The following TRPM3 variants were observed in gnomAD, a reference collection of about 807,000 sequenced individuals.
The protein encoded by TRPM3 is long transient receptor potential channel 3.
TRPM3 carries 77 observed loss-of-function variants against 181.2 expected under a neutral mutation model. That is an observed-to-expected ratio of 0.42 (90% CI 0.35 to 0.51). The LOEUF (loss-of-function observed/expected upper bound fraction) is 0.51. TRPM3 is among the 20% of genes least tolerant of loss of function. The probability of loss-of-function intolerance (pLI) is 0.01; values close to 1 mark genes in which losing one functional copy is unlikely to be tolerated. For synonymous variants in TRPM3, 745 were observed against 796.4 expected (o/e 0.94, Z 1.09); for missense variants, 1,759 against 2,196.7 (o/e 0.80, Z 3.98).
Position 70,809,977 on chromosome 9 carries a change from CA to C in TRPM3, c.973+17869del, listed in dbSNP as rs761910966. Reference sequence around the variant, plus strand: ...ATGGTGCAATGATCAAAAAAGATGCCAGTGATGACAATTGAACGTCCCTTTG... The same window carrying C: ...ATGGTGCAATGATCAAAAAAGATGCCGTGATGACAATTGAACGTCCCTTTG... On this transcript the variant is annotated intron_variant, in intron 6 of 25. Transcript: ENST00000677713. 1.7e-5 allele frequency: 9 copies of C among 534,510 alleles called. No homozygotes were observed. The highest frequency in any genetic ancestry group is 3.5e-5 in the Non-Finnish European group (9 of 260,074). 33.1% of individuals were successfully genotyped at this position (534,510 alleles called of 1,614,324 possible).
intron 18 of TRPM3, among the ~76,000 whole-genome samples, chr9:70,612,232 T>A (rs925526468): frequency 5.3e-5 from 8 of 152,234 alleles, no homozygotes; most frequent in Admixed American, 3.9e-4. Flanking sequence ...CATAATTTCT[T>A]GACTTTAATT....
chr9:71,226,823 G>C (rs1230545733), intron 1 of TRPM3, among the ~76,000 whole-genome samples: 1 of 152,026 alleles, frequency 6.6e-6, no homozygotes, highest in Non-Finnish European at 1.5e-5. Flanking sequence ...GCGCTGAACA[G>C]ATCTTCCAGA....
Position 70,536,264 on chromosome 9 carries a change from G to A in TRPM3, c.4849C>T (p.Arg1617Cys), listed in dbSNP as rs111659614. The A allele has an allele frequency of 3.4e-5, 55 of 1,614,148 alleles. 1 individual carries two copies. Among genetic ancestry groups the A allele is most frequent in the South Asian group, 3.4e-4 (31 of 91,078 alleles). ...GAGGATATTGCAATGGTGGCTCTGC[G>A]GCCTTTGGCCTCATTCTCCTCACTG... The part of the protein sequence containing the change: ...SDSEENEAKG[R>C]RATIAISSQE... Residue 1617 changes from arginine to cysteine, a missense_variant, in exon 26 of 26, where the codon CGC becomes TGC. Arg to Cys is a radical substitution (Grantham distance 180). Around this residue, in one of 8 missense-constraint regions of TRPM3, gnomAD observed 612 missense variants for 590.0 expected, o/e 1.04. Coordinates refer to ENST00000677713, the MANE Select transcript of TRPM3 (RefSeq NM_001366145.2).
intron 1 of TRPM3, among the ~76,000 whole-genome samples, chr9:70,875,301 G>A (rs572626123): frequency 1.3e-5 from 2 of 151,950 alleles, no homozygotes; most frequent in South Asian, 4.2e-4. Context: ...CCTCATTAAC[G>A]TGTACAAGGT....
At chr9:71,199,107 C>T (rs961424833) in intron 1 of TRPM3, among the ~76,000 whole-genome samples, 4 of 151,186 alleles carry the variant, frequency 2.6e-5, no homozygotes, top group African/African-American at 9.7e-5. Context: ...TGTCAAAGGT[C>T]TTTTCTGCAT....
intron 8 of TRPM3, among the ~76,000 whole-genome samples, chr9:70,745,021 T>A (rs992354635): frequency 6.6e-6 from 1 of 152,170 alleles, no homozygotes; most frequent in Non-Finnish European, 1.5e-5. Flanking sequence ...CTCAGCAAGG[T>A]TGATTTTTGT....
At chr9:70,629,575 G>A (rs1472642958) in intron 12 of TRPM3, among the ~76,000 whole-genome samples, 2 of 152,104 alleles carry the variant, frequency 1.3e-5, no homozygotes, top group Non-Finnish European at 2.9e-5. Context: ...GACCTCAGGT[G>A]ATCCACTCAT....
intron 1 of TRPM3, among the ~76,000 whole-genome samples, chr9:71,140,921 G>GCATTC (rs770016604): frequency 6.6e-6 from 1 of 152,142 alleles, no homozygotes; most frequent in Non-Finnish European, 1.5e-5. Flanking sequence ...TTTTAAAGGA[G>GCATTC]CATTCCTGAG....
At position 70,907,243 on chromosome 9, in the gene TRPM3, T is replaced by C. The variant is rs572602195; in HGVS notation, c.178-42732A>G. Among the ~76,000 whole-genome samples the C allele has an allele frequency of 9.9e-5, 15 of 152,126 alleles. No individual in the cohort carries two copies. The South Asian group carries it at 2.9e-3, about 29-fold the overall frequency. ...TGTGTAGAGTGACAAACAATTAGAGTCACCCCATGTGCATGTTGCATGTTC... is the reference window on the plus strand; with the variant it reads ...TGTGTAGAGTGACAAACAATTAGAGCCACCCCATGTGCATGTTGCATGTTC... On this transcript the variant is annotated intron_variant, in intron 1 of 25. Transcript: ENST00000677713.
chr9:70,775,353 T>C (rs2130679334), intron 7 of TRPM3: 1 of 152,316 alleles, frequency 6.6e-6, no homozygotes, highest in Admixed American at 6.5e-5. Flanking sequence ...TTTGTGCATC[T>C]CATGGTAAGG....
intron 21 of TRPM3, among the ~76,000 whole-genome samples, chr9:70,593,420 TTG>T (rs1027003952): frequency 3.3e-5 from 5 of 152,228 alleles, no homozygotes; most frequent in African/African-American, 1.2e-4. Context: ...GTCCTTCATG[TTG>T]TGTTTATTTA....
At chr9:71,241,397 C>CA (rs1318726028) in intron 1 of TRPM3, among the ~76,000 whole-genome samples, 1 of 147,946 alleles carries the variant, frequency 6.8e-6, no homozygotes, top group East Asian at 2.0e-4. Context: ...ATCGCAAGGA[C>CA]AAAAAACCAA....
chr9:70,669,088 C>T (rs2062421891), intron 9 of TRPM3, among the ~76,000 whole-genome samples: 1 of 152,194 alleles, frequency 6.6e-6, no homozygotes, highest in African/African-American at 2.4e-5. Flanking sequence ...TCACAGAGCA[C>T]AAGGATGCCC....
intron 9 of TRPM3, among the ~76,000 whole-genome samples, chr9:70,669,747 CTTT>C (rs71367212): frequency 6.0e-4 from 83 of 138,422 alleles, no homozygotes; most frequent in Admixed American, 1.6e-3. Context: ...TCTTTCTTTT[CTTT>C]TTTTTTTTTT....
rs767704462 is a variant in TRPM3, at chr9:70,603,353, T to C, written c.2785A>G (p.Lys929Glu). The C allele has an allele frequency of 6.2e-7, 1 of 1,613,450 alleles. No homozygotes were observed. The highest frequency in any genetic ancestry group is 8.5e-7 in the Non-Finnish European group (1 of 1,179,786). The change falls in exon 20 of 26, where the codon AAG (lysine) becomes GAG (glutamate). Residue 929 changes from lysine (K) to glutamate (E), a missense_variant. Physicochemically the swap from Lys to Glu is moderately conservative, Grantham distance 56. Coordinates refer to ENST00000677713, the MANE Select transcript of TRPM3 (RefSeq NM_001366145.2). ...ATAAAAGCCGTTACCTCTCTCATCT[T>C]TTCTATTCCCAGGGTGAAAATATAG... ...ISYIFTLGIEKMREILMSEPG... is the reference protein window; with the variant it reads ...ISYIFTLGIEEMREILMSEPG...
intron 8 of TRPM3, among the ~76,000 whole-genome samples, chr9:70,690,968 A>G (rs563580098): frequency 1.3e-5 from 2 of 152,296 alleles, no homozygotes; most frequent in East Asian, 1.9e-4. Context: ...CTTAATGTTA[A>G]CATTTTGCCA....
chr9:71,195,945 T>C (rs1264100122), intron 1 of TRPM3, among the ~76,000 whole-genome samples: 1 of 151,814 alleles, frequency 6.6e-6, no homozygotes, highest in Admixed American at 6.6e-5. Context: ...CAACACACAC[T>C]GGGGCCTACC....
At position 71,055,187 on chromosome 9, in the gene TRPM3, A is replaced by G. The variant is rs2060519288; in HGVS notation, c.177+65991T>C. Among the ~76,000 whole-genome samples the G allele has an allele frequency of 2.6e-5, 4 of 152,204 alleles. No homozygotes were observed. The South Asian group carries it at 6.2e-4, about 24-fold the overall frequency. On this transcript the variant is annotated intron_variant, in intron 1 of 25. Coordinates refer to ENST00000677713, the MANE Select transcript of TRPM3 (RefSeq NM_001366145.2). Reference sequence around the variant, plus strand: ...TCAAGAGGTGGTTCGGACAGGGTACATTTTAAGAAATTTAATCAGGCAAGT... The same window carrying G: ...TCAAGAGGTGGTTCGGACAGGGTACGTTTTAAGAAATTTAATCAGGCAAGT...
At chr9:70,666,196 A>G (rs2061821149) in intron 9 of TRPM3, among the ~76,000 whole-genome samples, 2 of 152,190 alleles carry the variant, frequency 1.3e-5, no homozygotes, top group African/African-American at 4.8e-5. Flanking sequence ...GGGTGACATG[A>G]CGGCAGTTCC....
Sources: gnomAD v4.1 joint callset for allele counts (sites outside exome capture counted in the v4.1 genomes callset) on GRCh38, gnomAD v4.1.1 for gene constraint, gnomAD v4.1.1 regional missense constraint, MANE v1.5 for transcripts, NCBI Gene and HGNC (gene_info 2026-07-23, HGNC 2026-07-21) for gene names.